Variants in RBM43 observed in about 807,000 individuals in gnomAD.
The protein encoded by RBM43 is RNA binding motif protein 43.
A neutral mutation model predicts 12.4 loss-of-function variants in RBM43; 12 were observed. The observed-to-expected ratio is 0.97, with a 90% CI of 0.62 to 1.57. The LOEUF (loss-of-function observed/expected upper bound fraction) is 1.57, where lower values mean the gene tolerates loss of function less well. Among genes scored for constraint, RBM43 ranks in the 40% most tolerant of loss-of-function variants. RBM43 has a pLI of 0.00. For synonymous variants in RBM43, 138 were observed against 145.7 expected (o/e 0.95, Z 0.38); for missense variants, 348 against 400.1 (o/e 0.87, Z 1.11).
chr2:151,261,586 G>GGGCCCCTCCGTGCGCC, intron 1 of RBM43, 139 bp downstream of exon 1: 1 of 1,537,392 alleles, frequency 6.5e-7, no homozygotes, highest in Non-Finnish European at 8.8e-7. Flanking sequence ...GGGGTCCCTG[G>GGGCCCCTCCGTGCGCC]GGCCCCTCCG....
At chr2:151,261,402 C>G (rs1019605726) in intron 1 of RBM43, 27 of 1,550,510 alleles carry the variant, frequency 1.7e-5, no homozygotes, top group African/African-American at 4.1e-5. Context: ...GCGGCGTCCC[C>G]GTCGCCTGGG....
intron 1 of RBM43, among the ~76,000 whole-genome samples, chr2:151,258,711 A>C (rs1683007525): frequency 6.6e-6 from 1 of 152,056 alleles, no homozygotes; most frequent in Non-Finnish European, 1.5e-5. Flanking sequence ...AAAAACAAAA[A>C]ATGCCTGAAT....
intron 3 of RBM43, among the ~76,000 whole-genome samples, chr2:151,252,390 G>A (rs112222137): frequency 1.4e-3 from 213 of 152,200 alleles, no homozygotes; most frequent in African/African-American, 4.6e-3. Context: ...AGGCCTGGTG[G>A]TACACACCTA....
intron 1 of RBM43, 36 bp from the exon 2 acceptor site, chr2:151,255,779 C>G: frequency 7.2e-7 from 1 of 1,383,226 alleles, no homozygotes; most frequent in Admixed American, 1.7e-5. Context: ...TTTAAAAACA[C>G]AAGACTCTAT....
At position 151,251,481 on chromosome 2, in the gene RBM43, G is replaced by T. The variant is rs368333668; in HGVS notation, c.499C>A (p.Leu167Ile). The T allele has an allele frequency of 1.2e-6, 2 of 1,613,996 alleles. No individual in the cohort carries two copies. The highest frequency in any genetic ancestry group is 2.7e-5 in the African/African-American group (2 of 74,932). Residue 167 changes from leucine to isoleucine, a missense_variant, in exon 4 of 4, where the codon CTA becomes ATA. By Grantham distance (5) the Leu-to-Ile change is conservative. Transcript: ENST00000331426. ...TCTAAGAGAGAACATGCTCTTGCTAGCAAAGATTCTCTGAGCCTCTTGACA... is the reference window on the plus strand; with the variant it reads ...TCTAAGAGAGAACATGCTCTTGCTATCAAAGATTCTCTGAGCCTCTTGACA... ...LAVKRLRESL[L>I]ARACSLLEKD...
At chr2:151,258,571 C>A (rs1469966127) in intron 1 of RBM43, among the ~76,000 whole-genome samples, 2 of 151,726 alleles carry the variant, frequency 1.3e-5, no homozygotes, top group African/African-American at 2.4e-5. Context: ...GTGGTGCACA[C>A]CTATAGTCCC....
At chr2:151,255,221 C>T (rs1365909384) in intron 2 of RBM43, among the ~76,000 whole-genome samples, 2 of 152,002 alleles carry the variant, frequency 1.3e-5, no homozygotes, top group East Asian at 3.9e-4. Context: ...TCGAGACCAA[C>T]CTGGCCAACA....
chr2:151,253,678 C>T (rs1275999121), intron 2 of RBM43, among the ~76,000 whole-genome samples: 2 of 152,172 alleles, frequency 1.3e-5, no homozygotes, highest in Non-Finnish European at 2.9e-5. Flanking sequence ...TCTTGTCAAT[C>T]CCCTGCTTGA....
chr2:151,251,176 A>T lies in RBM43; in HGVS notation c.804T>A (p.Ser268=). The T allele has an allele frequency of 6.2e-7, 1 of 1,614,064 alleles. No individual in the cohort carries two copies. Among genetic ancestry groups the T allele is most frequent in the South Asian group, 1.1e-5 (1 of 91,082 alleles). The change falls in exon 4 of 4, where the codon TCT becomes TCA. Residue 268 remains serine, a synonymous_variant. Transcript: ENST00000331426. ...TTACATGTTTTGCATTGTTTGGCTGAGAACCAACTTGAATGCTTTTTAGAC... is the reference window on the plus strand; with the variant it reads ...TTACATGTTTTGCATTGTTTGGCTGTGAACCAACTTGAATGCTTTTTAGAC... ...TICLKSIQVG[S]QPNNAKHVKE...
At chr2:151,260,023 G>A (rs1683026749) in intron 1 of RBM43, among the ~76,000 whole-genome samples, 1 of 151,832 alleles carries the variant, frequency 6.6e-6, no homozygotes, top group African/African-American at 2.4e-5. Flanking sequence ...CAGCCACCAT[G>A]CCCGACTAAT....
In RBM43 at chr2:151,251,275, T is replaced by C. The variant is rs774199488; in HGVS notation, c.705A>G (p.Gly235=). Residue 235 remains glycine (G), a synonymous_variant, in exon 4 of 4, where the codon GGA becomes GGG. Transcript: ENST00000331426. ...ATTTTTTCAGTGTGCTTTCATAAGA[T>C]CCACACTTGTGTTTCAGGTAAAGAA... is the stretch of plus-strand genomic sequence containing the variant. The part of the protein sequence containing the change: ...DVFLYLKHKC[G]SYESTLKKFH... The C allele has an allele frequency of 2.7e-5, 43 of 1,613,926 alleles. No individual in the cohort carries two copies. In the East Asian group the frequency reaches 8.7e-4, roughly 33 times the overall value.
chr2:151,254,673 T>C (rs893007995), intron 2 of RBM43, among the ~76,000 whole-genome samples: 1 of 152,304 alleles, frequency 6.6e-6, no homozygotes, highest in South Asian at 2.1e-4. Flanking sequence ...TCCATGAGGC[T>C]GAAGGGGTAT....
chr2:151,259,014 A>G (rs1357962014), intron 1 of RBM43, among the ~76,000 whole-genome samples: 1 of 151,946 alleles, frequency 6.6e-6, no homozygotes, highest in South Asian at 2.1e-4. Context: ...GTGGTGGCAC[A>G]TGCCTGTAGT....
rs1021127051 is a variant in RBM43 at position 151,249,186 on chromosome 2, T to A, written c.*1720A>T. ...CAAAGGCCAATGATTCTCCATGAGGTGAGTCAGCTTTGTATCCCACTTCTG... is the reference window on the plus strand; with the variant it reads ...CAAAGGCCAATGATTCTCCATGAGGAGAGTCAGCTTTGTATCCCACTTCTG... On this transcript the variant is annotated 3_prime_UTR_variant, in exon 4 of 4. Transcript: ENST00000331426. 1 of 152,106 alleles carries A rather than the reference T, an allele frequency of 6.6e-6. No homozygotes were observed. 9.4% of individuals were successfully genotyped at this position (152,106 alleles called of 1,614,324 possible). A position where few individuals can be genotyped will look rare whatever the true frequency, so the allele number is the denominator to read the frequency against.
Position 151,250,880 on chromosome 2 carries a change from CTT to C in RBM43, c.*24_*25del, listed in dbSNP as rs1388380070. The C allele has an allele frequency of 6.5e-7, 1 of 1,540,700 alleles. No individual in the cohort carries two copies. Among genetic ancestry groups the C allele is most frequent in the Non-Finnish European group, 8.8e-7 (1 of 1,139,746 alleles). On this transcript the variant is annotated 3_prime_UTR_variant, in exon 4 of 4. Coordinates refer to ENST00000331426, the MANE Select transcript of RBM43 (RefSeq NM_198557.3). ...CACTGCTCAGCAAGAGAAAGCAGCC[CTT>C]ATGACTATATTGCTGAGATTTTATT...
intron 1 of RBM43, among the ~76,000 whole-genome samples, chr2:151,258,131 A>G (rs1370993780): frequency 2.0e-5 from 3 of 152,152 alleles, no homozygotes; most frequent in Non-Finnish European, 4.4e-5. Flanking sequence ...ACGATAAGAC[A>G]GAGGGAAAGA....
At chr2:151,261,432 C>T in intron 1 of RBM43, 1 of 1,550,624 alleles carries the variant, frequency 6.4e-7, no homozygotes, top group Non-Finnish European at 8.7e-7. Context: ...TGGGAGGTGA[C>T]AGCCTAGTCC....
At chr2:151,252,896 T>A in intron 2 of RBM43, 41 bp from the exon 3 acceptor site, 1 of 910,212 alleles carries the variant, frequency 1.1e-6, no homozygotes. Context: ...TATGGCATGA[T>A]ACACTAATAA....
At chr2:151,252,062 G>A (rs1266974646) in intron 3 of RBM43, among the ~76,000 whole-genome samples, 1 of 152,176 alleles carries the variant, frequency 6.6e-6, no homozygotes, top group African/African-American at 2.4e-5. Flanking sequence ...ACAGAATCAA[G>A]TTGGTAAACC....
Sources: allele counts gnomAD v4.1 joint callset (sites outside exome capture counted in the v4.1 genomes callset), GRCh38; gene constraint gnomAD v4.1.1; transcripts MANE v1.5; gene names NCBI Gene and HGNC (gene_info 2026-07-23, HGNC 2026-07-21).